LGALS1: variants seen among roughly 807,000 people sequenced by gnomAD.
LGALS1 encodes the protein galectin 1, also known as galectin-1.
In LGALS1, 14 loss-of-function variants were observed where a neutral mutation model predicts 14.4. The observed-to-expected ratio is 0.97, with a 90% CI of 0.64 to 1.52. The LOEUF is 1.52. Among genes scored for constraint, LGALS1 ranks in the 40% most tolerant of loss-of-function variants. The probability of loss-of-function intolerance (pLI) is 0.00; values close to 1 mark genes in which losing one functional copy is unlikely to be tolerated. For missense variants in LGALS1, 170 were observed against 181.4 expected (o/e 0.94, Z 0.36); for synonymous variants, 71 against 73.4 (o/e 0.97, Z 0.17).
rs934706478 is a variant in LGALS1, at chr22:37,675,670, C to T, written c.-33C>T. 1.9e-6 allele frequency: 3 copies of T among 1,547,120 alleles called. No individual in the cohort carries two copies. Among genetic ancestry groups the T allele is most frequent in the East Asian group, 2.5e-5 (1 of 40,732 alleles). ...GGGTGGAGTCTTCTGACAGCTGGTG[C>T]GCCTGCCCGGGAACATCCTCCTGGA... On this transcript the variant is annotated 5_prime_UTR_variant, in exon 1 of 4. Coordinates refer to ENST00000215909, the MANE Select transcript of LGALS1 (RefSeq NM_002305.4).
At chr22:37,679,396 A>C (rs1601602725) in intron 3 of LGALS1, among the ~76,000 whole-genome samples, 1 of 150,816 alleles carries the variant, frequency 6.6e-6, no homozygotes, top group African/African-American at 2.4e-5. Context: ...ATGCCACTGT[A>C]CTCCAGCCTG....
intron 1 of LGALS1, 78 bp downstream of exon 1, chr22:37,675,789 G>A (rs914523271): frequency 5.8e-5 from 77 of 1,320,908 alleles, no homozygotes; most frequent in Non-Finnish European, 7.3e-5. Context: ...GGCAGATCGG[G>A]AGCAGATTCT....
At position 37,675,733 on chromosome 22, in the gene LGALS1, C is replaced by A. The variant is rs1259272486; in HGVS notation, c.9+22C>A. The stretch of plus-strand genomic sequence containing the variant: ...TTGTGTGAGTGTGGGGACCCCCCCC[C>A]AAGGTCCAGGGGATAGGGCAGGAAC... On this transcript the variant is annotated intron_variant, in intron 1 of 3. Coordinates refer to ENST00000215909, the MANE Select transcript of LGALS1 (RefSeq NM_002305.4). 3.9e-6 allele frequency: 6 copies of A among 1,537,442 alleles called. No individual in the cohort carries two copies. In the South Asian group the frequency reaches 6.0e-5, roughly 15 times the overall value.
At chr22:37,676,431 C>G (rs554120667) in intron 1 of LGALS1, among the ~76,000 whole-genome samples, 10 of 152,228 alleles carry the variant, frequency 6.6e-5, no homozygotes, top group Non-Finnish European at 1.2e-4. Flanking sequence ...TAACCCTGAG[C>G]CAGCCCAGCC....
At chr22:37,678,071 G>C (rs750006624) in intron 2 of LGALS1, among the ~76,000 whole-genome samples, 5 of 152,212 alleles carry the variant, frequency 3.3e-5, no homozygotes, top group Non-Finnish European at 7.3e-5. Context: ...ACAGGCATGA[G>C]CCACCGTGCC....
intron 1 of LGALS1, chr22:37,676,739 C>A: frequency 1.8e-6 from 1 of 569,480 alleles, no homozygotes; most frequent in Non-Finnish European, 3.2e-6. Context: ...TCTTCTAGAG[C>A]CTGTCTTCTA....
intron 1 of LGALS1, 74 bp downstream of exon 1, chr22:37,675,785 T>C: frequency 1.5e-6 from 2 of 1,344,222 alleles, no homozygotes; most frequent in South Asian, 3.1e-5. Context: ...GCTGGGCAGA[T>C]CGGGAGCAGA....
intron 3 of LGALS1, among the ~76,000 whole-genome samples, chr22:37,679,135 A>AG (rs1374703640): frequency 6.8e-6 from 1 of 147,944 alleles, no homozygotes; most frequent in Non-Finnish European, 1.5e-5. Flanking sequence ...CTGTCTCAAA[A>AG]AAAAAAAAAA....
chr22:37,677,164 G>A (rs1208640294), intron 2 of LGALS1, 99 bp downstream of exon 2: 4 of 1,202,566 alleles, frequency 3.3e-6, no homozygotes, highest in Non-Finnish European at 4.7e-6. Flanking sequence ...GGCCGGGAGC[G>A]GGTTAACGGC....
In LGALS1 at chr22:37,678,624, C is replaced by G. The variant is rs1255353535; in HGVS notation, c.231C>G (p.Val77=). 7.1e-7 allele frequency: 1 copy of G among 1,417,222 alleles called. No homozygotes were observed. The highest frequency in any genetic ancestry group is 1.5e-5 in the African/African-American group (1 of 67,172). 87.8% of individuals were successfully genotyped at this position (1,417,222 alleles called of 1,614,324 possible). Residue 77 remains valine, a synonymous_variant, in exon 3 of 4, where the codon GTC becomes GTG. Coordinates refer to ENST00000215909, the MANE Select transcript of LGALS1 (RefSeq NM_002305.4). ...GGGGGACCGAGCAGCGGGAGGCTGT[C>G]TTTCCCTTCCAGCCTGGAAGTGTTG... ...GAWGTEQREA[V]FPFQPGSVAE...
At chr22:37,676,795 A>G (rs1272041816) in intron 1 of LGALS1, 191 bp from the exon 2 acceptor site, 1 of 682,022 alleles carries the variant, frequency 1.5e-6, no homozygotes, top group Non-Finnish European at 2.7e-6. Flanking sequence ...GGGAATAGGG[A>G]CTTTCCCAGG....
chr22:37,675,730 C>A lies in LGALS1; in HGVS notation c.9+19C>A, dbSNP rs1218565484. The A allele has an allele frequency of 4.5e-6, 7 of 1,538,916 alleles. No homozygotes were observed. Among genetic ancestry groups the A allele is most frequent in the African/African-American group, 4.1e-5 (3 of 72,460 alleles). On this transcript the variant is annotated intron_variant, in intron 1 of 3. Coordinates refer to ENST00000215909, the MANE Select transcript of LGALS1 (RefSeq NM_002305.4). ...GGCTTGTGTGAGTGTGGGGACCCCC[C>A]CCCAAGGTCCAGGGGATAGGGCAGG...
At chr22:37,675,960 G>C (rs1268529604) in intron 1 of LGALS1, among the ~76,000 whole-genome samples, 1 of 152,200 alleles carries the variant, frequency 6.6e-6, no homozygotes, top group Non-Finnish European at 1.5e-5. Flanking sequence ...TTTCTGCCCA[G>C]GGTTGACATT....
intron 1 of LGALS1, 101 bp downstream of exon 1, chr22:37,675,812 G>A: frequency 3.5e-6 from 4 of 1,131,928 alleles, no homozygotes; most frequent in Non-Finnish European, 4.8e-6. Flanking sequence ...CCCCAGCTGT[G>A]TGGCCTGGAA....
intron 2 of LGALS1, 84 bp downstream of exon 2, chr22:37,677,149 T>G: frequency 7.5e-7 from 1 of 1,333,920 alleles, no homozygotes; most frequent in Non-Finnish European, 1.1e-6. Context: ...CCACATCTCC[T>G]CCCTGGCCGG....
At chr22:37,679,513 A>T (rs1351430820) in intron 3 of LGALS1, 90 bp from the exon 4 acceptor site, 1 of 1,195,192 alleles carries the variant, frequency 8.4e-7, no homozygotes, top group Non-Finnish European at 1.1e-6. Flanking sequence ...CTCAGCCACA[A>T]ACTGGGGCTG....
chr22:37,677,847 T>C (rs1921490099), intron 2 of LGALS1, among the ~76,000 whole-genome samples: 1 of 152,142 alleles, frequency 6.6e-6, no homozygotes, highest in African/African-American at 2.4e-5. Context: ...TGCAATGGCG[T>C]GATCTCGGCT....
rs376991752 is a variant in LGALS1 at position 37,675,745 on chromosome 22, G to C, written c.9+34G>C. 3 of 1,523,334 alleles carry C rather than the reference G, an allele frequency of 2.0e-6. No homozygotes were observed. In the African/African-American group the frequency reaches 4.2e-5, roughly 21 times the overall value. 94.4% of individuals were successfully genotyped at this position (1,523,334 alleles called of 1,614,324 possible). On this transcript the variant is annotated intron_variant, in intron 1 of 3. Transcript: ENST00000215909. Reference sequence around the variant, plus strand: ...GGGGACCCCCCCCCAAGGTCCAGGGGATAGGGCAGGAACTGATGGCCAGAG... The same window carrying C: ...GGGGACCCCCCCCCAAGGTCCAGGGCATAGGGCAGGAACTGATGGCCAGAG...
Position 37,679,746 on chromosome 22 carries a change from C to A in LGALS1, c.405C>A (p.Asp135Glu), listed in dbSNP as rs1158702117. 6.3e-7 allele frequency: 1 copy of A among 1,590,260 alleles called. No individual in the cohort carries two copies. ...TCAAGATCAAATGTGTGGCCTTTGA[C>A]TGAAATCAGCCAGCCCATGGCCCCC... ...GDFKIKCVAF[D>E] Residue 135 changes from aspartate to glutamate, a missense_variant, in exon 4 of 4, where the codon GAC (aspartate) becomes GAA (glutamate). By Grantham distance (45) the Asp-to-Glu change is conservative. Transcript: ENST00000215909.
Sources: allele counts gnomAD v4.1 joint callset (sites outside exome capture counted in the v4.1 genomes callset), GRCh38; gene constraint gnomAD v4.1.1; transcripts MANE v1.5; gene names NCBI Gene and HGNC (gene_info 2026-07-23, HGNC 2026-07-21).